The following PCDH17 variants were observed in gnomAD, a reference collection of about 807,000 sequenced individuals.
PCDH17 encodes protocadherin 17.
In PCDH17, 21 loss-of-function variants were observed where a neutral mutation model predicts 67.7. That is an observed-to-expected ratio of 0.31 (90% confidence interval 0.22 to 0.45). PCDH17 has a LOEUF of 0.45. Among genes scored for constraint, PCDH17 ranks in the 20% least tolerant of loss-of-function variants. PCDH17 has a pLI of 1.00. For missense variants in PCDH17, 1,471 were observed against 1,564.8 expected, an observed-to-expected ratio of 0.94 and a Z score of 1.01; for synonymous variants, 701 against 656.7, an observed-to-expected ratio of 1.07 and a Z score of -1.03.
In PCDH17 at chr13:57,688,502, A is replaced by T. The variant is rs564354640; in HGVS notation, c.2797+21669A>T. Among the ~76,000 whole-genome samples the T allele has an allele frequency of 5.3e-5, 8 of 152,194 alleles. No homozygotes were observed. The South Asian group carries it at 1.2e-3, about 24-fold the overall frequency. ...ATTAATGGCTATTTTCATTAAAGCC[A>T]ATCTTTCTCCTTAATTCAAATTTTG... On this transcript the variant is annotated intron_variant, in intron 3 of 3. Coordinates refer to ENST00000377918, the MANE Select transcript of PCDH17 (RefSeq NM_001040429.3).
chr13:57,679,320 C>T (rs180876292), intron 3 of PCDH17, among the ~76,000 whole-genome samples: 1 of 148,764 alleles, frequency 6.7e-6, no homozygotes, highest in East Asian at 2.0e-4. Flanking sequence ...TCTATGAAAT[C>T]ATAATAGAAT....
At chr13:57,709,713 A>G (rs1490996377) in intron 3 of PCDH17, 2 of 152,232 alleles carry the variant, frequency 1.3e-5, no homozygotes, top group Admixed American at 1.3e-4. Context: ...CCTACACACC[A>G]TCACAAGTAG....
chr13:57,692,187 C>T (rs780512025), intron 3 of PCDH17, among the ~76,000 whole-genome samples: 74 of 151,042 alleles, frequency 4.9e-4, no homozygotes, highest in Non-Finnish European at 8.8e-4. Flanking sequence ...AACAGTTCTA[C>T]GCTTATTATT....
At chr13:57,700,295 G>A (rs1052855635) in intron 3 of PCDH17, among the ~76,000 whole-genome samples, 11 of 149,756 alleles carry the variant, frequency 7.3e-5, no homozygotes, top group South Asian at 6.4e-4. Flanking sequence ...ATAAACTATC[G>A]CACATAATTA....
intron 1 of PCDH17, among the ~76,000 whole-genome samples, chr13:57,655,064 GT>G (rs1159078625): frequency 1.3e-5 from 2 of 151,826 alleles, no homozygotes; most frequent in Non-Finnish European, 2.9e-5. Flanking sequence ...CTGACTTGTT[GT>G]TTATAGTCAT....
intron 1 of PCDH17, among the ~76,000 whole-genome samples, chr13:57,644,244 A>G (rs1954938486): frequency 6.6e-6 from 1 of 151,550 alleles, no homozygotes; most frequent in Non-Finnish European, 1.5e-5. Flanking sequence ...AACAAATCCC[A>G]CTCACAGGAC....
chr13:57,713,538 C>T (rs1442448208), intron 3 of PCDH17, among the ~76,000 whole-genome samples: 1 of 151,454 alleles, frequency 6.6e-6, no homozygotes, highest in Non-Finnish European at 1.5e-5. Flanking sequence ...GTTTCAGCAG[C>T]TTAGTGGTAG....
At chr13:57,712,014 A>G (rs1162676679) in intron 3 of PCDH17, among the ~76,000 whole-genome samples, 1 of 151,630 alleles carries the variant, frequency 6.6e-6, no homozygotes, top group African/African-American at 2.4e-5. Flanking sequence ...AAGCCTAGAT[A>G]GAAAGTTTCT....
rs1035068926 is a variant in PCDH17, at chr13:57,633,287, C to T, written c.741C>T (p.Ser247=). 6.2e-6 allele frequency: 10 copies of T among 1,613,240 alleles called. No homozygotes were observed. Among genetic ancestry groups the T allele is most frequent in the Non-Finnish European group, 8.5e-6 (10 of 1,180,030 alleles). The change falls in exon 1 of 4, where the codon TCC becomes TCT. Residue 247 remains serine, a synonymous_variant. Coordinates refer to ENST00000377918, the MANE Select transcript of PCDH17 (RefSeq NM_001040429.3). This position sits in a 1 kb window ranked among gnomAD's most constrained non-coding sequence, Gnocchi z 6.2. ...ACAGCCCGGTCTTCGAGGCGCCATCCTACTTGGTGGAACTGCCCGAGAACG... is the reference window on the plus strand; with the variant it reads ...ACAGCCCGGTCTTCGAGGCGCCATCTTACTTGGTGGAACTGCCCGAGAACG... ...NDNSPVFEAP[S]YLVELPENAP...
intron 3 of PCDH17, among the ~76,000 whole-genome samples, chr13:57,696,034 C>G (rs1227501081): frequency 6.6e-6 from 1 of 151,340 alleles, no homozygotes; most frequent in Non-Finnish European, 1.5e-5. Flanking sequence ...GCAGTGGTCT[C>G]TCTTTGAAGA....
At chr13:57,708,372 C>G (rs1224342154) in intron 3 of PCDH17, among the ~76,000 whole-genome samples, 1 of 151,880 alleles carries the variant, frequency 6.6e-6, no homozygotes, top group Non-Finnish European at 1.5e-5. Context: ...ATATATTTGG[C>G]AAGAACTAGT....
intron 3 of PCDH17, among the ~76,000 whole-genome samples, chr13:57,701,676 C>A (rs1165142643): frequency 6.6e-6 from 1 of 151,888 alleles, no homozygotes; most frequent in East Asian, 1.9e-4. Context: ...TGAACATAGT[C>A]CCCTATTAGA....
Position 57,631,831 on chromosome 13 carries a change from C to CGCT in PCDH17, c.-713_-711dup, listed in dbSNP as rs1272783435. 1 of 152,314 alleles carries CGCT rather than the reference C, an allele frequency of 6.6e-6. No individual in the cohort carries two copies. Among genetic ancestry groups the CGCT allele is most frequent in the Non-Finnish European group, 1.5e-5 (1 of 68,192 alleles). 9.4% of individuals were successfully genotyped at this position (152,314 alleles called of 1,614,324 possible). A position where few individuals can be genotyped will look rare whatever the true frequency, so the allele number is the denominator to read the frequency against. ...GCTGGTAGATGCAGTCCGCCGCCGC[C>CGCT]GCTGCCTCAGCCAGCAATGCAAGAT... On this transcript the variant is annotated 5_prime_UTR_variant, in exon 1 of 4. Transcript: ENST00000377918.
rs1221439225 is a variant in PCDH17 at position 57,724,793 on chromosome 13, T to C, written c.2979T>C (p.Thr993=). 6.2e-7 allele frequency: 1 copy of C among 1,614,156 alleles called. No homozygotes were observed. The highest frequency in any genetic ancestry group is 1.7e-5 in the Admixed American group (1 of 60,000). The stretch of plus-strand genomic sequence containing the variant: ...AGACTTACGAAACTGTGAATCCCAC[T>C]GGGAAAAAGACTTTTTGTACATTTG... ...ETETYETVNP[T]GKKTFCTFGK... The change falls in exon 4 of 4, where the codon ACT becomes ACC. Residue 993 remains threonine, a synonymous_variant. Transcript: ENST00000377918.
At chr13:57,652,511 G>A (rs1387135663) in intron 1 of PCDH17, among the ~76,000 whole-genome samples, 1 of 152,118 alleles carries the variant, frequency 6.6e-6, no homozygotes, top group Non-Finnish European at 1.5e-5. Context: ...AAACTCTAAA[G>A]TAGAAAGATG....
intron 3 of PCDH17, chr13:57,709,709 C>T (rs1955757768): frequency 6.6e-6 from 1 of 152,264 alleles, no homozygotes; most frequent in African/African-American, 2.4e-5. Context: ...TCACCCTACA[C>T]ACCATCACAA....
At chr13:57,702,349 G>A (rs1566241434) in intron 3 of PCDH17, among the ~76,000 whole-genome samples, 1 of 151,772 alleles carries the variant, frequency 6.6e-6, no homozygotes, top group African/African-American at 2.4e-5. Flanking sequence ...GCCCTACTTG[G>A]CATCATAACC....
chr13:57,640,569 A>G (rs368765356), intron 1 of PCDH17, among the ~76,000 whole-genome samples: 9 of 152,024 alleles, frequency 5.9e-5, no homozygotes, highest in African/African-American at 2.2e-4. Context: ...TAAAGTTTCA[A>G]ACAATTTGAA....
chr13:57,713,546 T>C (rs960306728), intron 3 of PCDH17, among the ~76,000 whole-genome samples: 4 of 151,558 alleles, frequency 2.6e-5, no homozygotes, highest in Admixed American at 6.6e-5. Flanking sequence ...AGCTTAGTGG[T>C]AGGGGTATTG....
Sources: gnomAD v4.1 joint callset for allele counts (sites outside exome capture counted in the v4.1 genomes callset) on GRCh38, gnomAD v4.1.1 for gene constraint, Gnocchi (gnomAD v3.1) non-coding constraint, MANE v1.5 for transcripts, NCBI Gene and HGNC (gene_info 2026-07-23, HGNC 2026-07-21) for gene names.